TRMT1: variants seen among roughly 807,000 people sequenced by gnomAD.
TRMT1 encodes the protein tRNA (guanine(26)-N(2))-dimethyltransferase.
Under a neutral mutation model 75.4 loss-of-function variants are expected in TRMT1, and 63 were observed. The ratio of observed to expected loss-of-function variants is 0.84; its 90% CI spans 0.68 to 1.03. The LOEUF (loss-of-function observed/expected upper bound fraction) is 1.03. TRMT1 is among the 50% of genes least tolerant of loss of function. The pLI is 0.00. For missense variants in TRMT1, 870 were observed against 905.3 expected, an observed-to-expected ratio of 0.96 and a Z score of 0.50; for synonymous variants, 382 against 358.1, an observed-to-expected ratio of 1.07 and a Z score of -0.75.
intron 14 of TRMT1, 23 bp downstream of exon 14, chr19:13,107,551 C>T (rs1476534041): frequency 6.3e-7 from 1 of 1,586,388 alleles, no homozygotes; most frequent in South Asian, 1.1e-5. Flanking sequence ...GCCCTGGCCG[C>T]TCCTGCATGT....
In TRMT1 at chr19:13,110,014, C is replaced by T. The variant is rs756058842; in HGVS notation, c.1020-13G>A. The T allele has an allele frequency of 1.4e-5, 23 of 1,612,834 alleles. No homozygotes were observed. The South Asian group carries it at 2.4e-4, about 17-fold the overall frequency. ...CAGCGCCTGCTTGCTGTGGGGGGTA[C>T]CAGTGGCCACGAGTTCCCAGCGTGA... On this transcript the variant is annotated splice_polypyrimidine_tract_variant and intron_variant, in intron 8 of 16. Coordinates refer to ENST00000357720, the MANE Select transcript of TRMT1 (RefSeq NM_001136035.4).
chr19:13,109,317 C>A (rs968165413), intron 12 of TRMT1, 64 bp downstream of exon 12: 13 of 1,590,012 alleles, frequency 8.2e-6, no homozygotes, highest in Non-Finnish European at 1.1e-5. Flanking sequence ...ATGAGAATCC[C>A]TGGACTTGCC....
chr19:13,107,126 G>A (rs1218854800), intron 14 of TRMT1, among the ~76,000 whole-genome samples: 11 of 127,418 alleles, frequency 8.6e-5, no homozygotes, highest in Admixed American at 1.6e-4. Context: ...ATGAGCCACC[G>A]CACCCAGCTA....
rs2019316871 is a variant in TRMT1, at chr19:13,115,690, T to G, written c.389A>C (p.Lys130Thr). The change falls in exon 4 of 17, where the codon AAA (lysine) becomes ACA (threonine). Residue 130 changes from lysine to threonine, a missense_variant. Transcript: ENST00000357720. Reference protein sequence around the residue: ...SEQEEEKVELKESENLASGDQ... With the variant: ...SEQEEEKVELTESENLASGDQ... ...TCCTGAGGCCAGGTTTTCACTCTCTTTCAGTTCAACCTTTTCCTCCTCTTG... is the reference window on the plus strand; with the variant it reads ...TCCTGAGGCCAGGTTTTCACTCTCTGTCAGTTCAACCTTTTCCTCCTCTTG... The G allele has an allele frequency of 6.2e-7, 1 of 1,613,910 alleles. No individual in the cohort carries two copies. Among genetic ancestry groups the G allele is most frequent in the Non-Finnish European group, 8.5e-7 (1 of 1,179,904 alleles).
At position 13,110,301 on chromosome 19, in the gene TRMT1, C is replaced by T. The variant is rs1197372034; in HGVS notation, c.876G>A (p.Leu292=). 6.3e-7 allele frequency: 1 copy of T among 1,586,558 alleles called. No individual in the cohort carries two copies. Among genetic ancestry groups the T allele is most frequent in the African/African-American group, 1.3e-5 (1 of 74,126 alleles). ...LKSRACHEMA[L]RIVLHSLDLR... is the part of the protein sequence containing the mutation. The stretch of plus-strand genomic sequence containing the variant: ...GGTCCAGGCTGTGCAGGACGATTCT[C>T]AGGGCCTGGGGGTGGGGGGTGGGTG... The change falls in exon 8 of 17, where the codon CTG becomes CTA. Residue 292 remains leucine, a synonymous_variant. Coordinates refer to ENST00000357720, the MANE Select transcript of TRMT1 (RefSeq NM_001136035.4).
intron 5 of TRMT1, among the ~76,000 whole-genome samples, chr19:13,113,523 T>C (rs570599377): frequency 6.6e-6 from 1 of 152,110 alleles, no homozygotes; most frequent in Non-Finnish European, 1.5e-5. Context: ...TGGAACTCAG[T>C]CCACACATCT....
Position 13,104,983 on chromosome 19 carries a change from G to A in TRMT1, c.1932C>T (p.Asn644=). ...CAGCCCCAGGTCCAGGGGGGGTCTG[G>A]TTGGAGGTCTCTGGACAGTCAGGGG... The part of the protein sequence containing the change: ...DAAPDCPETS[N]QTPPGPGAAA... The change falls in exon 17 of 17, where the codon AAC becomes AAT. Residue 644 remains asparagine (N), a synonymous_variant. Coordinates refer to ENST00000357720, the MANE Select transcript of TRMT1 (RefSeq NM_001136035.4). 6.2e-7 allele frequency: 1 copy of A among 1,613,840 alleles called. No homozygotes were observed. Among genetic ancestry groups the A allele is most frequent in the Non-Finnish European group, 8.5e-7 (1 of 1,179,984 alleles).
At position 13,110,257 on chromosome 19, in the gene TRMT1, T is replaced by C. The variant is rs762948211; in HGVS notation, c.920A>G (p.Gln307Arg). 3 of 1,600,508 alleles carry C rather than the reference T, an allele frequency of 1.9e-6. No homozygotes were observed. Among genetic ancestry groups the C allele is most frequent in the Non-Finnish European group, 2.6e-6 (3 of 1,172,826 alleles). ...GCTGAGCAGCGGCACCACGAAGCGC[T>C]GGTAGCAGTTGGCGCGGAGGTCCAG... ...HSLDLRANCY[Q>R]RFVVPLLSIS... is the part of the protein sequence containing the mutation. Residue 307 changes from glutamine (Q) to arginine (R), a missense_variant, in exon 8 of 17, where the codon CAG becomes CGG. Coordinates refer to ENST00000357720, the MANE Select transcript of TRMT1 (RefSeq NM_001136035.4).
intron 15 of TRMT1, 32 bp downstream of exon 15, chr19:13,105,455 C>G (rs11669247): frequency 1.2e-6 from 2 of 1,613,948 alleles, no homozygotes; most frequent in Middle Eastern, 1.6e-4. Flanking sequence ...CTTTCCCTGG[C>G]TGAGCCCCAC....
chr19:13,110,011 G>T lies in TRMT1; in HGVS notation c.1020-10C>A, dbSNP rs1411896899. 6.2e-7 allele frequency: 1 copy of T among 1,612,804 alleles called. No homozygotes were observed. The highest frequency in any genetic ancestry group is 1.3e-5 in the African/African-American group (1 of 74,912). The stretch of plus-strand genomic sequence containing the variant: ...CACCAGCGCCTGCTTGCTGTGGGGG[G>T]TACCAGTGGCCACGAGTTCCCAGCG... On this transcript the variant is annotated splice_polypyrimidine_tract_variant and intron_variant, in intron 8 of 16. Coordinates refer to ENST00000357720, the MANE Select transcript of TRMT1 (RefSeq NM_001136035.4).
chr19:13,113,568 C>T (rs2019222567), intron 5 of TRMT1, among the ~76,000 whole-genome samples: 1 of 152,070 alleles, frequency 6.6e-6, no homozygotes, highest in Admixed American at 6.6e-5. Flanking sequence ...GACGTATCTG[C>T]CTGACACCAT....
At chr19:13,112,132 G>T (rs2019165361) in intron 7 of TRMT1, among the ~76,000 whole-genome samples, 1 of 152,098 alleles carries the variant, frequency 6.6e-6, no homozygotes, top group South Asian at 2.1e-4. Context: ...CGGGATTACA[G>T]GTATCTGCCA....
chr19:13,111,038 C>T (rs939381627), intron 7 of TRMT1, among the ~76,000 whole-genome samples: 1 of 152,190 alleles, frequency 6.6e-6, no homozygotes, highest in Non-Finnish European at 1.5e-5. Context: ...CCCGGGCTGA[C>T]TTCATGACAG....
Sources: allele counts gnomAD v4.1 joint callset (sites outside exome capture counted in the v4.1 genomes callset), GRCh38; gene constraint gnomAD v4.1.1; transcripts MANE v1.5; gene names NCBI Gene and HGNC (gene_info 2026-07-23, HGNC 2026-07-21).